ADARB1: variants seen among roughly 807,000 people sequenced by gnomAD.
ADARB1 encodes adenosine deaminase RNA specific B1, also known as double-stranded RNA-specific editase 1.
A neutral mutation model predicts 52.4 loss-of-function variants in ADARB1; 10 were observed. The ratio of observed to expected loss-of-function variants is 0.19; its 90% CI spans 0.12 to 0.32. The LOEUF (loss-of-function observed/expected upper bound fraction) is 0.32. Among genes scored for constraint, ADARB1 ranks in the 10% least tolerant of loss-of-function variants. ADARB1 has a pLI of 1.00. For synonymous variants in ADARB1, 349 were observed against 371.1 expected, an observed-to-expected ratio of 0.94 and a Z score of 0.68; for missense variants, 643 against 922.3, an observed-to-expected ratio of 0.70 and a Z score of 3.92.
intron 1 of ADARB1, among the ~76,000 whole-genome samples, chr21:45,080,280 G>A (rs982011258): frequency 1.3e-5 from 2 of 152,162 alleles, no homozygotes; most frequent in African/African-American, 4.8e-5. Flanking sequence ...AAATGAGAGC[G>A]ATGATAGCAT....
intron 1 of ADARB1, among the ~76,000 whole-genome samples, chr21:45,104,390 C>T (rs944811059): frequency 1.6e-4 from 24 of 152,088 alleles, no homozygotes; most frequent in African/African-American, 4.3e-4. Flanking sequence ...CTACTGTACC[C>T]ATTTGACTGG....
chr21:45,119,024 A>C (rs1417343204), intron 1 of ADARB1, among the ~76,000 whole-genome samples: 2 of 152,158 alleles, frequency 1.3e-5, no homozygotes. Flanking sequence ...TGACATTTTA[A>C]CAGAGCTCTG....
At chr21:45,174,688 TAC>T (rs1188625431) in intron 3 of ADARB1, among the ~76,000 whole-genome samples, 3 of 134,046 alleles carry the variant, frequency 2.2e-5, no homozygotes, top group African/African-American at 9.3e-5. Context: ...CAAAAATACA[TAC>T]ATACATACAT....
intron 1 of ADARB1, among the ~76,000 whole-genome samples, chr21:45,081,873 T>C (rs1459649358): frequency 6.6e-6 from 1 of 152,144 alleles, no homozygotes; most frequent in African/African-American, 2.4e-5. Context: ...CATTGTCCAG[T>C]CAGGGGCTAG....
intron 1 of ADARB1, among the ~76,000 whole-genome samples, chr21:45,095,625 T>C (rs781050518): frequency 3.8e-4 from 58 of 152,116 alleles, no homozygotes; most frequent in South Asian, 1.5e-3. Flanking sequence ...GGTGCACGTT[T>C]CCTTCTCGGG....
chr21:45,094,469 A>G (rs1233935832), intron 1 of ADARB1, among the ~76,000 whole-genome samples: 1 of 152,190 alleles, frequency 6.6e-6, no homozygotes. Flanking sequence ...TTGGGGAGAT[A>G]CATTTGGTTG....
chr21:45,114,064 G>C (rs2087698213), intron 1 of ADARB1, among the ~76,000 whole-genome samples: 1 of 152,144 alleles, frequency 6.6e-6, no homozygotes, highest in Non-Finnish European at 1.5e-5. Flanking sequence ...ATGCTTAGTA[G>C]ACATACTCTA....
intron 2 of ADARB1, among the ~76,000 whole-genome samples, chr21:45,161,181 C>T (rs1353735454): frequency 1.3e-5 from 2 of 152,192 alleles, no homozygotes; most frequent in Non-Finnish European, 2.9e-5. Flanking sequence ...GGGCTCTGTG[C>T]TCCGCAAGTT....
intron 2 of ADARB1, among the ~76,000 whole-genome samples, chr21:45,139,347 T>G (rs1438299956): frequency 2.6e-5 from 4 of 152,260 alleles, no homozygotes; most frequent in Non-Finnish European, 4.4e-5. Context: ...ATGCCACAGT[T>G]TAATTTGCTT....
intron 9 of ADARB1, among the ~76,000 whole-genome samples, chr21:45,205,525 G>T (rs1047186044): frequency 2.0e-5 from 3 of 152,222 alleles, no homozygotes; most frequent in African/African-American, 4.8e-5. Flanking sequence ...TGGGCTCCCT[G>T]GAGAGGCCCT....
intron 1 of ADARB1, among the ~76,000 whole-genome samples, chr21:45,113,353 G>A (rs1332115608): frequency 6.6e-6 from 1 of 152,188 alleles, no homozygotes; most frequent in Non-Finnish European, 1.5e-5. Flanking sequence ...AACACAGGAG[G>A]TGGAGGTTGC....
At chr21:45,158,225 A>C (rs2090766725) in intron 2 of ADARB1, among the ~76,000 whole-genome samples, 1 of 149,836 alleles carries the variant, frequency 6.7e-6, no homozygotes, top group South Asian at 2.2e-4. Context: ...CCAGACCCTG[A>C]TTCTTCTCGG....
chr21:45,135,378 C>T (rs539180538), intron 2 of ADARB1, among the ~76,000 whole-genome samples: 1 of 152,360 alleles, frequency 6.6e-6, no homozygotes, highest in Non-Finnish European at 1.5e-5. Context: ...TCCTGGCACC[C>T]CTTAGTGTGG....
intron 5 of ADARB1, 103 bp downstream of exon 5, chr21:45,180,547 G>A: frequency 1.1e-6 from 1 of 929,732 alleles, no homozygotes; most frequent in Non-Finnish European, 1.7e-6. Flanking sequence ...GACGGGAGAT[G>A]GTTACTTCTT....
Position 45,223,109 on chromosome 21 carries a change from A to G in ADARB1, c.*912A>G. ...AGGGCTACTGCACAATACATGGCCT[A>G]AGTTCCCTCTGTTCCTTCCTCTGAA... is the stretch of plus-strand genomic sequence containing the variant. On this transcript the variant is annotated 3_prime_UTR_variant, in exon 11 of 11. Coordinates refer to ENST00000348831, the MANE Select transcript of ADARB1 (RefSeq NM_001112.4). 2.0e-6 allele frequency: 2 copies of G among 985,466 alleles called. No homozygotes were observed. The highest frequency in any genetic ancestry group is 2.4e-6 in the Non-Finnish European group (2 of 829,936). The allele number at this position is 985,466 out of a possible 1,614,324, so 61.0% of individuals were successfully genotyped here.
At chr21:45,121,991 T>A (rs2088221864) in intron 1 of ADARB1, among the ~76,000 whole-genome samples, 1 of 152,212 alleles carries the variant, frequency 6.6e-6, no homozygotes, top group Non-Finnish European at 1.5e-5. Flanking sequence ...CTGTCAAAAA[T>A]TAGGAAGAAG....
intron 1 of ADARB1, among the ~76,000 whole-genome samples, chr21:45,102,849 C>T (rs1216298499): frequency 6.6e-6 from 1 of 152,194 alleles, no homozygotes; most frequent in East Asian, 1.9e-4. Flanking sequence ...AACCCTTACC[C>T]CAAGGCAAGG....
At chr21:45,185,779 C>T (rs1556317) in intron 8 of ADARB1, among the ~76,000 whole-genome samples, 104,303 of 152,172 alleles carry the variant, frequency 0.69, 36,268 homozygotes, top group African/African-American at 0.81. Flanking sequence ...AAGCAGATGG[C>T]AAAAAGCATA....
intron 9 of ADARB1, among the ~76,000 whole-genome samples, chr21:45,218,563 A>G (rs1007445103): frequency 2.6e-5 from 4 of 152,158 alleles, no homozygotes; most frequent in Admixed American, 1.3e-4. Context: ...CTCTGTCTGC[A>G]TGTCTCTTCC....
Sources: gnomAD v4.1 joint callset for allele counts (sites outside exome capture counted in the v4.1 genomes callset) on GRCh38, gnomAD v4.1.1 for gene constraint, MANE v1.5 for transcripts, NCBI Gene and HGNC (gene_info 2026-07-23, HGNC 2026-07-21) for gene names.